Variants in PCDHA4 observed in about 807,000 individuals in gnomAD.
PCDHA4 encodes the protein protocadherin alpha 4.
In PCDHA4, 49 loss-of-function variants were observed where a neutral mutation model predicts 61.4. The observed-to-expected ratio is 0.80, with a 90% CI of 0.63 to 1.01. The LOEUF (loss-of-function observed/expected upper bound fraction) is 1.01, where lower values mean the gene tolerates loss of function less well. Among genes scored for constraint, PCDHA4 ranks in the 50% least tolerant of loss-of-function variants. The pLI is 0.00. For synonymous variants in PCDHA4, 590 were observed against 550.3 expected, an observed-to-expected ratio of 1.07 and a Z score of -1.01; for missense variants, 1,254 against 1,235.8, an observed-to-expected ratio of 1.01 and a Z score of -0.22.
At chr5:140,835,601 A>G (rs2150239166) in intron 1 of PCDHA4, 39 of 1,613,774 alleles carry the variant, frequency 2.4e-5, no homozygotes, top group African/African-American at 6.7e-5. Flanking sequence ...ATTACTATTC[A>G]TTGGTGCTGG....
chr5:140,856,128 G>A lies in PCDHA4; in HGVS notation c.2385+46556G>A, dbSNP rs1554148229. On this transcript the variant is annotated intron_variant, in intron 1 of 3. Coordinates refer to ENST00000530339, the MANE Select transcript of PCDHA4 (RefSeq NM_018907.4). ...CTCCTCGCAGCCTGGGAGGTGGGGA[G>A]CGGCCAGCTCCACTACTCAGTCTAC... The A allele has an allele frequency of 1.9e-6, 3 of 1,598,140 alleles. 1 individual carries two copies. The highest frequency in any genetic ancestry group is 2.6e-6 in the Non-Finnish European group (3 of 1,167,806).
intron 1 of PCDHA4, chr5:140,869,935 A>T: frequency 1.2e-6 from 2 of 1,612,050 alleles, no homozygotes; most frequent in Admixed American, 1.7e-5. Flanking sequence ...TGGAGAGGTA[A>T]CATACTCCTT....
At chr5:140,967,627 C>G (rs1218869340) in intron 1 of PCDHA4, 16 of 1,614,040 alleles carry the variant, frequency 9.9e-6, no homozygotes, top group Non-Finnish European at 1.3e-5. Context: ...CGGATGAGGG[C>G]TCCAATGGTG....
At chr5:140,828,561 C>A (rs2150156811) in intron 1 of PCDHA4, 1 of 1,614,178 alleles carries the variant, frequency 6.2e-7, no homozygotes, top group African/African-American at 1.3e-5. Flanking sequence ...CTGGAGGGCG[C>A]GTCCGATGCA....
intron 1 of PCDHA4, chr5:140,841,097 A>T (rs1777008078): frequency 3.5e-6 from 2 of 570,202 alleles, no homozygotes; most frequent in Non-Finnish European, 6.1e-6. Context: ...GAACCCAGAT[A>T]TTGCGGAAGT....
At chr5:140,869,296 C>G (rs782726122) in intron 1 of PCDHA4, 2 of 1,613,602 alleles carry the variant, frequency 1.2e-6, no homozygotes, top group South Asian at 1.1e-5. Flanking sequence ...GCGCCTGTTC[C>G]GGGTGGCGTC....
chr5:140,936,941 T>C (rs547536853), intron 1 of PCDHA4, among the ~76,000 whole-genome samples: 14 of 152,342 alleles, frequency 9.2e-5, no homozygotes, highest in Non-Finnish European at 1.3e-4. Flanking sequence ...GAAAATATCT[T>C]ATTTTGATCT....
rs2150397998 is a variant in PCDHA4, at chr5:140,847,199, C to T, written c.2385+37627C>T. On this transcript the variant is annotated intron_variant, in intron 1 of 3. Coordinates refer to ENST00000530339, the MANE Select transcript of PCDHA4 (RefSeq NM_018907.4). ...GGCCATGAGTGATTAAGGAATTTGGCCACTCTTTAGAATTAATTGGGAGCT... is the reference window on the plus strand; with the variant it reads ...GGCCATGAGTGATTAAGGAATTTGGTCACTCTTTAGAATTAATTGGGAGCT... Among the ~76,000 whole-genome samples the T allele has an allele frequency of 2.7e-5, 4 of 149,538 alleles. No homozygotes were observed. In the East Asian group the frequency reaches 7.8e-4, roughly 29 times the overall value.
At chr5:140,937,507 C>G (rs1427417860) in intron 1 of PCDHA4, among the ~76,000 whole-genome samples, 1 of 152,106 alleles carries the variant, frequency 6.6e-6, no homozygotes, top group Non-Finnish European at 1.5e-5. Context: ...ATCCCAGCTA[C>G]TCAGGAGGCT....
intron 1 of PCDHA4, chr5:140,851,418 C>G: frequency 1.0e-6 from 1 of 958,736 alleles, no homozygotes; most frequent in South Asian, 4.8e-5. Flanking sequence ...AGAAACTTCC[C>G]CTAAACTTTA....
chr5:140,883,862 C>T (rs1467289225), intron 1 of PCDHA4: 3 of 1,613,000 alleles, frequency 1.9e-6, no homozygotes, highest in Non-Finnish European at 1.7e-6. Flanking sequence ...GGAGCTGTTG[C>T]AGTTCCAGGT....
At chr5:140,960,748 A>C (rs1408249489) in intron 1 of PCDHA4, among the ~76,000 whole-genome samples, 1 of 152,008 alleles carries the variant, frequency 6.6e-6, no homozygotes, top group Non-Finnish European at 1.5e-5. Flanking sequence ...TCCATGGCTA[A>C]AATCCCAAGA....
At chr5:140,823,478 GA>G in intron 1 of PCDHA4, 2 of 1,613,472 alleles carry the variant, frequency 1.2e-6, no homozygotes, top group East Asian at 4.5e-5. Context: ...CTGGTGCCTC[GA>G]GTGGGTGGCA....
At chr5:140,829,908 G>A in intron 1 of PCDHA4, 1 of 1,614,014 alleles carries the variant, frequency 6.2e-7, no homozygotes, top group Non-Finnish European at 8.5e-7. Flanking sequence ...TACAACGCGT[G>A]GCTTTCGTAT....
At position 140,949,239 on chromosome 5, in the gene PCDHA4, C is replaced by T. The variant is rs563720988; in HGVS notation, c.2386-29710C>T. 4.0e-5 allele frequency among the ~76,000 whole-genome samples: 6 copies of T among 151,886 alleles called. No individual in the cohort carries two copies. The East Asian group carries it at 1.2e-3, about 29-fold the overall frequency. On this transcript the variant is annotated intron_variant, in intron 1 of 3. Transcript: ENST00000530339. ...TTAGACTTGTTCTGTGGCCCAGCAA[C>T]AGTCTATCTTGATGAACATATCACG...
At chr5:140,822,061 C>T in intron 1 of PCDHA4, 1 of 1,614,168 alleles carries the variant, frequency 6.2e-7, no homozygotes. Context: ...GGAGCTGTGC[C>T]GGCGGAGGGC....
rs1399480801 is a variant in PCDHA4, at chr5:140,951,947, C to T, written c.2386-27002C>T. On this transcript the variant is annotated intron_variant, in intron 1 of 3. Transcript: ENST00000530339. ...TTACTCCCAAGATACAGTGCGGGTA[C>T]AGGCATTGGGTAAATACTCCTGTTC... is the stretch of plus-strand genomic sequence containing the variant. 5.3e-5 allele frequency among the ~76,000 whole-genome samples: 8 copies of T among 152,250 alleles called. No individual in the cohort carries two copies. In the East Asian group the frequency reaches 1.5e-3, roughly 29 times the overall value.
At chr5:140,865,760 G>A (rs1470653142) in intron 1 of PCDHA4, 1 of 152,154 alleles carries the variant, frequency 6.6e-6, no homozygotes, top group African/African-American at 2.4e-5. Flanking sequence ...AGTACATGGT[G>A]GAGATATTAT....
intron 1 of PCDHA4, among the ~76,000 whole-genome samples, chr5:140,949,788 G>C (rs2094421903): frequency 6.6e-6 from 1 of 151,684 alleles, no homozygotes; most frequent in Non-Finnish European, 1.5e-5. Context: ...GTTTAGATTT[G>C]TGTCCTTCAA....
Sources: gnomAD v4.1 joint callset for allele counts (sites outside exome capture counted in the v4.1 genomes callset) on GRCh38, gnomAD v4.1.1 for gene constraint, MANE v1.5 for transcripts, NCBI Gene and HGNC (gene_info 2026-07-23, HGNC 2026-07-21) for gene names.